OPCML: variants seen among roughly 807,000 people sequenced by gnomAD.
OPCML encodes opioid binding protein/cell adhesion molecule like, also known as opioid-binding protein/cell adhesion molecule.
A neutral mutation model predicts 37.8 loss-of-function variants in OPCML; 13 were observed. That is an observed-to-expected ratio of 0.34 (90% CI 0.22 to 0.55). OPCML has a LOEUF of 0.55. OPCML is among the 20% of genes least tolerant of loss of function. The probability of loss-of-function intolerance (pLI) is 0.91; values close to 1 mark genes in which losing one functional copy is unlikely to be tolerated. For missense variants in OPCML, 341 were observed against 435.6 expected (o/e 0.78, Z 1.93); for synonymous variants, 176 against 168.8 (o/e 1.04, Z -0.33).
chr11:132,756,178 A>T (rs1470115476), intron 2 of OPCML, among the ~76,000 whole-genome samples: 2 of 152,148 alleles, frequency 1.3e-5, no homozygotes, highest in African/African-American at 4.8e-5. Flanking sequence ...AAGAGTACTA[A>T]TTTTATGTAT....
rs1181331882 is a variant in OPCML, at chr11:133,118,072, A to G, written c.62-175062T>C. On this transcript the variant is annotated intron_variant, in intron 1 of 7. Coordinates refer to ENST00000524381, the MANE Select transcript of OPCML (RefSeq NM_001012393.5). ...GGTGAAACACTCTTCAGAAAGAAACATGCCGCAGTCTGAGTCTCAGCTCTC... is the reference window on the plus strand; with the variant it reads ...GGTGAAACACTCTTCAGAAAGAAACGTGCCGCAGTCTGAGTCTCAGCTCTC... 11 of 637,332 alleles carry G rather than the reference A, an allele frequency of 1.7e-5. No individual in the cohort carries two copies. In the East Asian group the frequency reaches 1.4e-3, roughly 81 times the overall value. The allele number at this position is 637,332 out of a possible 1,614,324, so 39.5% of individuals were successfully genotyped here.
chr11:132,762,753 G>A (rs117316189), intron 2 of OPCML, among the ~76,000 whole-genome samples: 3,187 of 152,230 alleles, frequency 0.021, 66 homozygotes, highest in African/African-American at 0.043. Flanking sequence ...TTTGGGCTCC[G>A]TGGGGGTGGG....
At chr11:132,699,913 G>A (rs1943741182) in intron 2 of OPCML, among the ~76,000 whole-genome samples, 1 of 151,990 alleles carries the variant, frequency 6.6e-6, no homozygotes. Context: ...AAAAATTTGA[G>A]GATTGACATT....
chr11:133,227,716 G>T (rs10791287), intron 1 of OPCML, among the ~76,000 whole-genome samples: 1 of 152,026 alleles, frequency 6.6e-6, no homozygotes, highest in Non-Finnish European at 1.5e-5. Flanking sequence ...GGCCCTCCAG[G>T]GTGAAGGGCA....
At chr11:132,875,609 C>T (rs982997777) in intron 2 of OPCML, among the ~76,000 whole-genome samples, 6 of 152,048 alleles carry the variant, frequency 3.9e-5, no homozygotes, top group Non-Finnish European at 7.4e-5. Context: ...TGAGTACAGG[C>T]ATGCACCACC....
chr11:133,024,734 G>A (rs762827949), intron 1 of OPCML: 41 of 939,338 alleles, frequency 4.4e-5, no homozygotes, highest in Non-Finnish European at 5.1e-5. Flanking sequence ...GCCAGCCCTC[G>A]CGCTTTTGAA....
At chr11:133,102,557 G>A (rs1949098688) in intron 1 of OPCML, among the ~76,000 whole-genome samples, 1 of 152,118 alleles carries the variant, frequency 6.6e-6, no homozygotes, top group South Asian at 2.1e-4. Flanking sequence ...GACCATCCTA[G>A]CTAACATGGT....
intron 2 of OPCML, among the ~76,000 whole-genome samples, chr11:132,918,999 C>T (rs1944698902): frequency 6.6e-6 from 1 of 152,030 alleles, no homozygotes; most frequent in Non-Finnish European, 1.5e-5. Context: ...ACATAATAGA[C>T]AGAACTAGGA....
intron 2 of OPCML, among the ~76,000 whole-genome samples, chr11:132,915,099 A>C (rs1030496581): frequency 1.3e-5 from 2 of 152,218 alleles, no homozygotes; most frequent in Non-Finnish European, 2.9e-5. Flanking sequence ...CCTTCTAGTA[A>C]TAGAGAAGTA....
At chr11:132,463,572 C>A (rs1445160307) in intron 4 of OPCML, among the ~76,000 whole-genome samples, 1 of 152,154 alleles carries the variant, frequency 6.6e-6, no homozygotes, top group African/African-American at 2.4e-5. Flanking sequence ...TACCACACTG[C>A]AAGGATTGAG....
intron 1 of OPCML, among the ~76,000 whole-genome samples, chr11:133,478,742 G>A (rs1287013816): frequency 6.6e-6 from 1 of 152,030 alleles, no homozygotes; most frequent in Non-Finnish European, 1.5e-5. Flanking sequence ...AAACACTATT[G>A]TGAGGTTTCA....
intron 1 of OPCML, among the ~76,000 whole-genome samples, chr11:133,186,517 G>A (rs988605345): frequency 5.9e-5 from 9 of 151,782 alleles, no homozygotes; most frequent in African/African-American, 2.2e-4. Flanking sequence ...CGGGGGCGGG[G>A]GGAAGAGAAA....
chr11:132,507,322 T>C lies in OPCML; in HGVS notation c.505+21739A>G, dbSNP rs572396560. ...GCAATATGGCTATGCACAATCTGAA[T>C]AACAGAATTCTCTCTCAGTCTGGAT... is the stretch of plus-strand genomic sequence containing the variant. On this transcript the variant is annotated intron_variant, in intron 4 of 7. Coordinates refer to ENST00000524381, the MANE Select transcript of OPCML (RefSeq NM_001012393.5). 2.6e-4 allele frequency among the ~76,000 whole-genome samples: 39 copies of C among 152,148 alleles called. 2 individuals carry two copies. The South Asian group carries it at 8.1e-3, about 32-fold the overall frequency.
At chr11:133,248,028 A>G (rs1204867446) in intron 1 of OPCML, among the ~76,000 whole-genome samples, 1 of 152,232 alleles carries the variant, frequency 6.6e-6, no homozygotes, top group Non-Finnish European at 1.5e-5. Flanking sequence ...TGGAAGAAAT[A>G]TGAATTAGCA....
chr11:133,210,084 T>C (rs1939290601), intron 1 of OPCML, among the ~76,000 whole-genome samples: 1 of 152,234 alleles, frequency 6.6e-6, no homozygotes, highest in African/African-American at 2.4e-5. Flanking sequence ...AAAGTCTCTC[T>C]CACGGCATGT....
rs141479831 is a variant in OPCML, at chr11:133,211,863, G to A, written c.62-268853C>T. On this transcript the variant is annotated intron_variant, in intron 1 of 7. Transcript: ENST00000524381. This position sits in a 1 kb window ranked among gnomAD's most constrained non-coding sequence, Gnocchi z 4.1. ...TAAGCATTTGACTCAAACTCTTCAA[G>A]ATAGGGAGTTAAAGAATGCAAAGTT... Among the ~76,000 whole-genome samples the A allele has an allele frequency of 1.4e-3, 211 of 152,280 alleles. No individual in the cohort carries two copies. The highest frequency in any genetic ancestry group is 4.7e-3 in the African/African-American group (197 of 41,544).
At chr11:132,712,375 G>C (rs1373265977) in intron 2 of OPCML, among the ~76,000 whole-genome samples, 1 of 151,628 alleles carries the variant, frequency 6.6e-6, no homozygotes, top group Non-Finnish European at 1.5e-5. Flanking sequence ...AATGAAGGTC[G>C]CCACTTAATA....
rs537716915 is a variant in OPCML at position 133,123,548 on chromosome 11, C to T, written c.62-180538G>A. Reference sequence around the variant, plus strand: ...TCCGAGGGTGACAAGCTATTCTGGACGGGTTCCCCACCTCCCTCCCCTGAA... The same window carrying T: ...TCCGAGGGTGACAAGCTATTCTGGATGGGTTCCCCACCTCCCTCCCCTGAA... On this transcript the variant is annotated intron_variant, in intron 1 of 7. Transcript: ENST00000524381. Among the ~76,000 whole-genome samples the T allele has an allele frequency of 1.8e-4, 27 of 152,254 alleles. 1 individual carries two copies. The South Asian group carries it at 4.1e-3, about 23-fold the overall frequency.
chr11:132,841,188 T>C (rs1285627410), intron 2 of OPCML, among the ~76,000 whole-genome samples: 1 of 152,254 alleles, frequency 6.6e-6, no homozygotes, highest in African/African-American at 2.4e-5. Flanking sequence ...GACTTCGCAC[T>C]GTGCTAGGGT....
Sources: gnomAD v4.1 joint callset for allele counts (sites outside exome capture counted in the v4.1 genomes callset) on GRCh38, gnomAD v4.1.1 for gene constraint, Gnocchi (gnomAD v3.1) non-coding constraint, MANE v1.5 for transcripts, NCBI Gene and HGNC (gene_info 2026-07-23, HGNC 2026-07-21) for gene names.